The following PUDP variants were observed in gnomAD, a reference collection of about 807,000 sequenced individuals.
PUDP encodes pseudouridine-5'-phosphatase.
PUDP carries 8 observed loss-of-function variants against 9.4 expected under a neutral mutation model. The observed-to-expected ratio is 0.85, with a 90% confidence interval of 0.50 to 1.53. PUDP has a LOEUF of 1.53. PUDP is among the 40% of genes most tolerant of loss of function. PUDP has a pLI of 0.00. For synonymous variants in PUDP, 99 were observed against 80.7 expected, an observed-to-expected ratio of 1.23 and a Z score of -1.22; for missense variants, 188 against 189.7, an observed-to-expected ratio of 0.99 and a Z score of 0.05.
intron 3 of PUDP, among the ~76,000 whole-genome samples, chrX:6,961,987 A>G (rs1928715012): frequency 8.9e-6 from 1 of 112,652 alleles, no homozygotes; most frequent in African/African-American, 3.2e-5. Flanking sequence ...GTAGGAATTA[A>G]TAAAACATTT....
At chrX:6,838,653 G>A (rs1418988175) in intron 3 of PUDP, among the ~76,000 whole-genome samples, 1 of 112,151 alleles carries the variant, frequency 8.9e-6, no homozygotes, top group African/African-American at 3.2e-5. Flanking sequence ...ATTGATACAG[G>A]AGGTCCAGCT....
intron 3 of PUDP, among the ~76,000 whole-genome samples, chrX:6,847,856 T>C (rs1926772029): frequency 8.9e-6 from 1 of 111,939 alleles, no homozygotes; most frequent in South Asian, 3.8e-4. Context: ...CAGACTAGCC[T>C]GGGCTTGTTC....
chrX:6,752,812 T>C (rs868288071), intron 3 of PUDP, among the ~76,000 whole-genome samples: 1 of 111,927 alleles, frequency 8.9e-6, no homozygotes, highest in Non-Finnish European at 1.9e-5. Context: ...TCAAGGTTGC[T>C]TAATCATATG....
intron 3 of PUDP, among the ~76,000 whole-genome samples, chrX:6,790,138 G>A (rs1020760906): frequency 5.4e-5 from 6 of 111,687 alleles, no homozygotes; most frequent in Non-Finnish European, 1.1e-4. Context: ...GATATATACA[G>A]ATGTAGATAG....
At chrX:6,751,837 ACGAT>A (rs1925092310) in intron 3 of PUDP, among the ~76,000 whole-genome samples, 1 of 111,161 alleles carries the variant, frequency 9.0e-6, no homozygotes, top group African/African-American at 3.3e-5. Context: ...AAGCAGAAGA[ACGAT>A]TGGTGTTTTT....
chrX:7,107,993 T>C (rs1931935061), intron 1 of PUDP, among the ~76,000 whole-genome samples: 1 of 112,389 alleles, frequency 8.9e-6, no homozygotes, highest in South Asian at 3.7e-4. Flanking sequence ...CCACCTGTGC[T>C]TTGTCTCCTG....
intron 3 of PUDP, among the ~76,000 whole-genome samples, chrX:6,908,131 C>A (rs1304500326): frequency 8.9e-6 from 1 of 112,623 alleles, no homozygotes; most frequent in Middle Eastern, 4.2e-3. Context: ...GCATGGGCTT[C>A]TTTGGGGATT....
At chrX:6,891,262 T>G (rs780980892) in intron 3 of PUDP, among the ~76,000 whole-genome samples, 3 of 112,250 alleles carry the variant, frequency 2.7e-5, no homozygotes, top group African/African-American at 9.7e-5. Flanking sequence ...TAATTCAATG[T>G]TTAGGATGAC....
At chrX:6,973,065 A>AT (rs1928902073) in intron 3 of PUDP, among the ~76,000 whole-genome samples, 2 of 111,444 alleles carry the variant, frequency 1.8e-5, no homozygotes, top group Non-Finnish European at 1.9e-5. Flanking sequence ...CCTCTTTGTA[A>AT]TTTTTTATTG....
intron 1 of PUDP, among the ~76,000 whole-genome samples, chrX:6,984,118 C>T (rs1929073612): frequency 8.9e-6 from 1 of 112,309 alleles, no homozygotes; most frequent in Non-Finnish European, 1.9e-5. Context: ...ATGTCTTTCA[C>T]TGTCGTAATT....
chrX:6,935,797 G>C (rs1233792700), intron 3 of PUDP, among the ~76,000 whole-genome samples: 2 of 55,769 alleles, frequency 3.6e-5, no homozygotes, highest in Admixed American at 2.3e-4. Context: ...AATGATAAAG[G>C]GGATATCACC....
At chrX:6,872,853 G>A (rs961631934) in intron 3 of PUDP, among the ~76,000 whole-genome samples, 7 of 110,935 alleles carry the variant, frequency 6.3e-5, no homozygotes, top group African/African-American at 2.3e-4. Context: ...CTAAGTCAGG[G>A]AGCAGAAATT....
At chrX:6,796,349 G>A (rs1006756326) in intron 3 of PUDP, among the ~76,000 whole-genome samples, 2 of 111,789 alleles carry the variant, frequency 1.8e-5, no homozygotes, top group Admixed American at 9.5e-5. Context: ...AGTGTTTGTC[G>A]GCAAGCCCCT....
downstream of PUDP, among the ~76,000 whole-genome samples, chrX:7,045,665 T>TA (rs958514165): frequency 9.0e-6 from 1 of 111,552 alleles, no homozygotes; most frequent in Non-Finnish European, 1.9e-5. Flanking sequence ...TTCGAAGAGA[T>TA]AATGACTGAG....
At chrX:6,965,025 C>T (rs1303622998) in intron 3 of PUDP, among the ~76,000 whole-genome samples, 1 of 111,867 alleles carries the variant, frequency 8.9e-6, no homozygotes, top group Non-Finnish European at 1.9e-5. Flanking sequence ...TTTTAACAAA[C>T]AGAAGTCAGT....
chrX:6,740,852 C>T lies in PUDP; in HGVS notation c.*248-34386G>A, dbSNP rs978075796. 2.7e-5 allele frequency among the ~76,000 whole-genome samples: 3 copies of T among 111,874 alleles called. No homozygotes were observed. The Admixed American group carries it at 2.8e-4, about 11-fold the overall frequency. On this transcript the variant is annotated intron_variant and NMD_transcript_variant, in intron 3 of 3. Coordinates refer to the PUDP transcript ENST00000655425. Reference sequence around the variant, plus strand: ...TACATGCACTTGATAGAATAATTGCCATTTTAATTTAAAAACTTGGCAGAG... The same window carrying T: ...TACATGCACTTGATAGAATAATTGCTATTTTAATTTAAAAACTTGGCAGAG...
intron 1 of PUDP, among the ~76,000 whole-genome samples, chrX:7,019,166 T>C (rs917208477): frequency 9.0e-6 from 1 of 110,706 alleles, no homozygotes; most frequent in African/African-American, 3.3e-5. Flanking sequence ...TTCACCACTT[T>C]ACTCTTTTAA....
intron 3 of PUDP, among the ~76,000 whole-genome samples, chrX:6,916,225 CA>C (rs1569122718): frequency 9.6e-4 from 101 of 105,028 alleles, no homozygotes; most frequent in African/African-American, 3.3e-3. Context: ...CACACACACA[CA>C]CACACACACA....
chrX:6,770,443 C>A (rs758219815), intron 3 of PUDP, among the ~76,000 whole-genome samples: 1 of 112,455 alleles, frequency 8.9e-6, no homozygotes, highest in Admixed American at 9.4e-5. Context: ...CAAAACCATG[C>A]AGGCAGATAG....
Sources: gnomAD v4.1 joint callset for allele counts (sites outside exome capture counted in the v4.1 genomes callset) on GRCh38, gnomAD v4.1.1 for gene constraint, MANE v1.5 for transcripts, NCBI Gene and HGNC (gene_info 2026-07-23, HGNC 2026-07-21) for gene names.